Variants in GRAMD1C observed in about 807,000 individuals in gnomAD.
The protein encoded by GRAMD1C is protein Aster-C.
In GRAMD1C, 89 loss-of-function variants were observed where a neutral mutation model predicts 97.8. The ratio of observed to expected loss-of-function variants is 0.91; its 90% confidence interval spans 0.77 to 1.09. GRAMD1C has a LOEUF of 1.09. Ranked by LOEUF, GRAMD1C falls within the 50% of genes least tolerant of loss-of-function variation. The pLI is 0.00. For synonymous variants in GRAMD1C, 256 were observed against 267.0 expected (o/e 0.96, Z 0.40); for missense variants, 740 against 766.4 (o/e 0.97, Z 0.41).
intron 10 of GRAMD1C, among the ~76,000 whole-genome samples, chr3:113,925,141 C>A (rs1937189744): frequency 6.6e-6 from 1 of 152,150 alleles, no homozygotes. Context: ...TTTTTCTCCA[C>A]CCCTTTACAT....
intron 6 of GRAMD1C, among the ~76,000 whole-genome samples, chr3:113,886,613 A>G (rs940865176): frequency 6.6e-6 from 1 of 151,894 alleles, no homozygotes; most frequent in Non-Finnish European, 1.5e-5. Context: ...TAAACCACAC[A>G]TTATAACTTT....
chr3:113,834,043 A>G (rs1709599051), upstream of GRAMD1C, among the ~76,000 whole-genome samples: 1 of 152,190 alleles, frequency 6.6e-6, no homozygotes, highest in Non-Finnish European at 1.5e-5. Flanking sequence ...TTCTTCTAGG[A>G]ATAACTTTGG....
intron 2 of GRAMD1C, among the ~76,000 whole-genome samples, chr3:113,853,154 G>A (rs184362496): frequency 1.3e-5 from 2 of 152,226 alleles, no homozygotes; most frequent in East Asian, 3.9e-4. Flanking sequence ...AGGCAGATTT[G>A]AAAAAATAAT....
At chr3:113,898,900 G>A (rs1936038325) in intron 6 of GRAMD1C, among the ~76,000 whole-genome samples, 1 of 151,996 alleles carries the variant, frequency 6.6e-6, no homozygotes, top group South Asian at 2.1e-4. Flanking sequence ...TCTGGGCACA[G>A]TAGATTGGGA....
chr3:113,901,003 G>A, intron 6 of GRAMD1C, 28 bp from the exon 7 acceptor site: 1 of 1,057,968 alleles, frequency 9.5e-7, no homozygotes. Flanking sequence ...ATTTTCCAAT[G>A]CTCAGTGTAA....
At position 113,939,967 on chromosome 3, in the gene GRAMD1C, T is replaced by A. The variant is rs755474063; in HGVS notation, c.1773T>A (p.Arg591=). The A allele has an allele frequency of 1.9e-6, 3 of 1,597,928 alleles. No homozygotes were observed. The highest frequency in any genetic ancestry group is 2.6e-6 in the Non-Finnish European group (3 of 1,165,170). The change falls in exon 16 of 18, where the codon CGT becomes CGA. Residue 591 remains arginine, a synonymous_variant. Coordinates refer to ENST00000358160, the MANE Select transcript of GRAMD1C (RefSeq NM_017577.5). The part of the protein sequence containing the change: ...KIEHAAQSFY[R]LRLQEEKSLN... Reference sequence around the variant, plus strand: ...AACATGCTGCTCAGTCCTTTTACCGTCTCCGCCTCCAAGAAGAGAAATCTT... The same window carrying A: ...AACATGCTGCTCAGTCCTTTTACCGACTCCGCCTCCAAGAAGAGAAATCTT...
In GRAMD1C at chr3:113,857,612, G is replaced by A. The variant is rs542098283; in HGVS notation, c.175-11895G>A. On this transcript the variant is annotated intron_variant, in intron 2 of 17. Coordinates refer to ENST00000358160, the MANE Select transcript of GRAMD1C (RefSeq NM_017577.5). Reference sequence around the variant, plus strand: ...AGGATGGTCTCGATCGCCTGACCTCGTGATCCTCCCACCTTGGCCTCCCAA... The same window carrying A: ...AGGATGGTCTCGATCGCCTGACCTCATGATCCTCCCACCTTGGCCTCCCAA... Among the ~76,000 whole-genome samples the A allele has an allele frequency of 5.9e-5, 9 of 152,138 alleles. No homozygotes were observed. The South Asian group carries it at 1.2e-3, about 21-fold the overall frequency.
chr3:113,937,905 T>C (rs1174002973), intron 14 of GRAMD1C, among the ~76,000 whole-genome samples, 181 bp from the exon 15 acceptor site: 3 of 150,938 alleles, frequency 2.0e-5, no homozygotes, highest in Non-Finnish European at 2.9e-5. Context: ...CTCAGGAGGC[T>C]GAGGCAGGAA....
intron 12 of GRAMD1C, among the ~76,000 whole-genome samples, chr3:113,934,209 T>C (rs576805147): frequency 6.6e-6 from 1 of 152,304 alleles, no homozygotes; most frequent in Admixed American, 6.5e-5. Flanking sequence ...AGAAAGGAAA[T>C]AAGTAAAATG....
chr3:113,932,734 T>A (rs929173591), intron 11 of GRAMD1C, among the ~76,000 whole-genome samples: 14 of 152,138 alleles, frequency 9.2e-5, no homozygotes, highest in African/African-American at 3.1e-4. Flanking sequence ...AAGAGACAGT[T>A]TCAGTCTGTC....
rs562559656 is a variant in GRAMD1C, at chr3:113,919,890, C to T, written c.1090+4052C>T. ...ATCACAGGAATTGGACCCAGTACCA[C>T]AGCAGAAACAGAAACATCACCAAAT... On this transcript the variant is annotated intron_variant, in intron 10 of 17. Coordinates refer to ENST00000358160, the MANE Select transcript of GRAMD1C (RefSeq NM_017577.5). 636 of 650,312 alleles carry T rather than the reference C, an allele frequency of 9.8e-4. 1 individual carries two copies. The highest frequency in any genetic ancestry group is 1.2e-3 in the South Asian group (86 of 72,892). 40.3% of individuals were successfully genotyped at this position (650,312 alleles called of 1,614,324 possible).
At chr3:113,857,811 T>A (rs1042013304) in intron 2 of GRAMD1C, among the ~76,000 whole-genome samples, 5 of 152,226 alleles carry the variant, frequency 3.3e-5, no homozygotes, top group African/African-American at 7.2e-5. Flanking sequence ...ATTGATTTTT[T>A]AAAAATATTG....
chr3:113,842,898 G>A (rs1219060258), intron 1 of GRAMD1C, among the ~76,000 whole-genome samples: 2 of 151,664 alleles, frequency 1.3e-5, no homozygotes, highest in South Asian at 2.1e-4. Flanking sequence ...GGGAGGTAGA[G>A]GTTGCAGTGA....
chr3:113,836,530 CTT>C (rs33997794), upstream of GRAMD1C, among the ~76,000 whole-genome samples: 1 of 147,446 alleles, frequency 6.8e-6, no homozygotes. Context: ...CTCCTAAATA[CTT>C]TTTTTTTTTT....
rs772043721 is a variant in GRAMD1C, at chr3:113,934,451, T to C, written c.1372T>C (p.Tyr458His). Reference protein sequence around the residue: ...CRLRVSTDLKYRKQPWGLVKS... With the variant: ...CRLRVSTDLKHRKQPWGLVKS... Reference sequence around the variant, plus strand: ...TACTAGAGTTTCCACAGATTTGAAATACAGAAAACAGCCATGGGGCCTTGT... The same window carrying C: ...TACTAGAGTTTCCACAGATTTGAAACACAGAAAACAGCCATGGGGCCTTGT... Residue 458 changes from tyrosine (Y) to histidine (H), a missense_variant, in exon 13 of 18, where the codon TAC (tyrosine) becomes CAC (histidine). Physicochemically the swap from Tyr to His is moderately conservative, Grantham distance 83. Transcript: ENST00000358160. The C allele has an allele frequency of 1.3e-6, 2 of 1,540,002 alleles. No individual in the cohort carries two copies. Among genetic ancestry groups the C allele is most frequent in the Non-Finnish European group, 1.8e-6 (2 of 1,122,984 alleles).
At chr3:113,865,671 A>G (rs1011378282) in intron 2 of GRAMD1C, among the ~76,000 whole-genome samples, 1 of 152,184 alleles carries the variant, frequency 6.6e-6, no homozygotes, top group African/African-American at 2.4e-5. Context: ...CAAATATTGC[A>G]TCTACCTCAT....
chr3:113,859,435 A>T (rs372997438), intron 2 of GRAMD1C, among the ~76,000 whole-genome samples: 6 of 152,322 alleles, frequency 3.9e-5, no homozygotes, highest in South Asian at 2.1e-4. Context: ...ATTTCATTAT[A>T]GTCAGAAAAT....
chr3:113,885,688 C>T (rs1206485810), intron 6 of GRAMD1C: 1 of 1,524,734 alleles, frequency 6.6e-7, no homozygotes, highest in Non-Finnish European at 9.1e-7. Context: ...GTGGTGTTTA[C>T]AGAAAGCATG....
intron 2 of GRAMD1C, among the ~76,000 whole-genome samples, chr3:113,853,798 A>T (rs1934007830): frequency 6.6e-6 from 1 of 152,150 alleles, no homozygotes; most frequent in Admixed American, 6.6e-5. Flanking sequence ...CATGGGAGGG[A>T]GTAGCATTTT....
Sources: allele counts gnomAD v4.1 joint callset (sites outside exome capture counted in the v4.1 genomes callset), GRCh38; gene constraint gnomAD v4.1.1; transcripts MANE v1.5; gene names NCBI Gene and HGNC (gene_info 2026-07-23, HGNC 2026-07-21).